The following IL7 variants were observed in gnomAD, a reference collection of about 807,000 sequenced individuals.
IL7 encodes interleukin-7.
In IL7, 3 loss-of-function variants were observed where a neutral mutation model predicts 21.6. That is an observed-to-expected ratio of 0.14 (90% CI 0.06 to 0.36). The LOEUF is 0.36. Among genes scored for constraint, IL7 ranks in the 10% least tolerant of loss-of-function variants. The pLI is 1.00. For missense variants in IL7, 175 were observed against 200.2 expected (o/e 0.87, Z 0.76); for synonymous variants, 62 against 68.1 (o/e 0.91, Z 0.44).
At chr8:78,689,479 C>G (rs1810138034) in intron 3 of IL7, 3 of 1,035,500 alleles carry the variant, frequency 2.9e-6, no homozygotes, top group South Asian at 5.7e-5. Context: ...TTCTCACCTG[C>G]TTTTATAGAT....
In IL7 at chr8:78,733,705, C is replaced by G; in HGVS notation, c.*8G>C. On this transcript the variant is annotated 3_prime_UTR_variant, in exon 6 of 6. Coordinates refer to ENST00000263851, the MANE Select transcript of IL7 (RefSeq NM_000880.4). Reference sequence around the variant, plus strand: ...AGTTCGTGTTTCTATATTGCCACTCCATATTTTTCAGTGTTCTTTAGTGCC... The same window carrying G: ...AGTTCGTGTTTCTATATTGCCACTCGATATTTTTCAGTGTTCTTTAGTGCC... 1 of 1,596,478 alleles carries G rather than the reference C, an allele frequency of 6.3e-7. No homozygotes were observed. The highest frequency in any genetic ancestry group is 8.5e-7 in the Non-Finnish European group (1 of 1,173,722).
At chr8:78,726,940 C>T (rs549452220) in intron 3 of IL7, among the ~76,000 whole-genome samples, 51 of 151,936 alleles carry the variant, frequency 3.4e-4, no homozygotes, top group Non-Finnish European at 6.0e-4. Flanking sequence ...GTAAAATAAT[C>T]TCAATAGAAC....
chr8:78,683,883 T>G (rs2130471938), intron 4 of IL7, among the ~76,000 whole-genome samples: 1 of 152,332 alleles, frequency 6.6e-6, no homozygotes, highest in Admixed American at 6.5e-5. Flanking sequence ...CAGATCTCTA[T>G]TGCAACAGCA....
chr8:78,696,195 C>T (rs925756180), intron 3 of IL7, among the ~76,000 whole-genome samples: 5 of 152,058 alleles, frequency 3.3e-5, no homozygotes, highest in Admixed American at 1.3e-4. Context: ...CTACCACGCC[C>T]GGCTAATTTT....
intron 3 of IL7, among the ~76,000 whole-genome samples, chr8:78,724,848 G>A (rs1028745523): frequency 4.0e-5 from 6 of 151,824 alleles, no homozygotes; most frequent in Admixed American, 6.6e-5. Flanking sequence ...GTCATTACCC[G>A]AAAGCTATTT....
In IL7 at chr8:78,733,601, G is replaced by T; in HGVS notation, c.*112C>A. The T allele has an allele frequency of 9.1e-7, 1 of 1,096,614 alleles. No individual in the cohort carries two copies. Among genetic ancestry groups the T allele is most frequent in the Non-Finnish European group, 1.3e-6 (1 of 760,552 alleles). 67.9% of individuals were successfully genotyped at this position (1,096,614 alleles called of 1,614,324 possible). On this transcript the variant is annotated 3_prime_UTR_variant, in exon 6 of 6. Coordinates refer to ENST00000263851, the MANE Select transcript of IL7 (RefSeq NM_000880.4). Reference sequence around the variant, plus strand: ...AAATGCCCTAATCCGTTTTGACCATGGTGCATTCAGTAACTTCTAGGAAGC... The same window carrying T: ...AAATGCCCTAATCCGTTTTGACCATTGTGCATTCAGTAACTTCTAGGAAGC...
At chr8:78,800,298 T>C (rs1261725760) in intron 1 of IL7, among the ~76,000 whole-genome samples, 1 of 152,136 alleles carries the variant, frequency 6.6e-6, no homozygotes, top group African/African-American at 2.4e-5. Context: ...CATTTTCTTT[T>C]TTTCTCCCTC....
intron 5 of IL7, among the ~76,000 whole-genome samples, chr8:78,720,062 C>A (rs372958526): frequency 1.3e-5 from 2 of 151,840 alleles, no homozygotes; most frequent in Non-Finnish European, 3.0e-5. Flanking sequence ...GAAACATGGA[C>A]GTTTCTAGTT....
At position 78,683,342 on chromosome 8, in the gene IL7, T is replaced by C. The variant is rs117273873; in HGVS notation, n.273+2547A>G. 1.6e-4 allele frequency among the ~76,000 whole-genome samples: 24 copies of C among 152,238 alleles called. 1 individual carries two copies. Among genetic ancestry groups the C allele is most frequent in the Admixed American group, 1.5e-3 (23 of 15,290 alleles). Reference sequence around the variant, plus strand: ...ACTTCTTCCTGGACATCCAGGTGTTTCCATACATTCTCTGAAATCTAGTCA... The same window carrying C: ...ACTTCTTCCTGGACATCCAGGTGTTCCCATACATTCTCTGAAATCTAGTCA... On this transcript the variant is annotated intron_variant and non_coding_transcript_variant, in intron 4 of 4. Transcript: ENST00000523959.
intron 3 of IL7, among the ~76,000 whole-genome samples, chr8:78,696,260 TC>T (rs1810409971): frequency 6.6e-6 from 1 of 152,140 alleles, no homozygotes; most frequent in African/African-American, 2.4e-5. Flanking sequence ...GGTCTCGATC[TC>T]CTGACCTTGT....
chr8:78,712,398 A>T (rs1810978968), intron 3 of IL7, among the ~76,000 whole-genome samples: 1 of 152,026 alleles, frequency 6.6e-6, no homozygotes. Flanking sequence ...AGTTTTTTTT[A>T]GTAGTAATTA....
downstream of IL7, among the ~76,000 whole-genome samples, chr8:78,713,392 A>G (rs1168593556): frequency 6.6e-6 from 1 of 152,088 alleles, no homozygotes; most frequent in East Asian, 1.9e-4. Flanking sequence ...ATATGGTGAC[A>G]TTATGTGTAT....
At chr8:78,761,172 G>A in intron 2 of IL7, 1 of 1,592,148 alleles carries the variant, frequency 6.3e-7, no homozygotes. Flanking sequence ...ATTTCCTTCA[G>A]TTCTTTACCC....
At chr8:78,773,284 C>A (rs1486714529) in intron 2 of IL7, among the ~76,000 whole-genome samples, 2 of 152,082 alleles carry the variant, frequency 1.3e-5, no homozygotes, top group Non-Finnish European at 2.9e-5. Flanking sequence ...CCAAAGTACC[C>A]AGAGAAAACC....
intron 5 of IL7, among the ~76,000 whole-genome samples, chr8:78,734,054 G>T: frequency 6.6e-6 from 1 of 152,128 alleles, no homozygotes; most frequent in Non-Finnish European, 1.5e-5. Context: ...ATTCTCCAAA[G>T]AGCTATATCA....
chr8:78,728,737 GGGA>G (rs1423171289), downstream of IL7, among the ~76,000 whole-genome samples: 3 of 151,914 alleles, frequency 2.0e-5, no homozygotes, highest in Non-Finnish European at 4.4e-5. Flanking sequence ...AGTACTTGGG[GGGA>G]GGAGATCACT....
intron 3 of IL7, among the ~76,000 whole-genome samples, chr8:78,706,270 C>T (rs1810768469): frequency 6.6e-6 from 1 of 152,182 alleles, no homozygotes; most frequent in African/African-American, 2.4e-5. Flanking sequence ...ACTGTCTCTA[C>T]TTGGTCCTCT....
At chr8:78,721,616 C>T (rs1254431413) in intron 3 of IL7, among the ~76,000 whole-genome samples, 2 of 151,976 alleles carry the variant, frequency 1.3e-5, no homozygotes, top group Non-Finnish European at 2.9e-5. Context: ...GTGTCAAGTA[C>T]AGTTAACAGT....
In IL7 at chr8:78,697,998, T is replaced by C. The variant is rs1302541614; in HGVS notation, n.215-12051A>G. Among the ~76,000 whole-genome samples, 3 of 152,154 alleles carry C rather than the reference T, an allele frequency of 2.0e-5. No individual in the cohort carries two copies. The East Asian group carries it at 5.8e-4, about 29-fold the overall frequency. On this transcript the variant is annotated intron_variant and non_coding_transcript_variant, in intron 3 of 4. Transcript: ENST00000523959. ...GCCGAGCCACTTTTTTGTTGTTTTT[T>C]TCAGCTTAAATGTTGGCCCCAGATG...
Sources: gnomAD v4.1 joint callset for allele counts (sites outside exome capture counted in the v4.1 genomes callset) on GRCh38, gnomAD v4.1.1 for gene constraint, MANE v1.5 for transcripts, NCBI Gene and HGNC (gene_info 2026-07-23, HGNC 2026-07-21) for gene names.